The following NLGN4X variants were observed in gnomAD, a reference collection of about 807,000 sequenced individuals.
The protein encoded by NLGN4X is neuroligin-4, X-linked.
In NLGN4X, 3 loss-of-function variants were observed where a neutral mutation model predicts 40.3. The ratio of observed to expected loss-of-function variants is 0.07; its 90% CI spans 0.03 to 0.19. NLGN4X has a LOEUF of 0.19. Ranked by LOEUF, NLGN4X falls within the 10% of genes least tolerant of loss-of-function variation. The pLI is 1.00. For synonymous variants in NLGN4X, 270 were observed against 306.8 expected (o/e 0.88, Z 1.25); for missense variants, 382 against 708.3 (o/e 0.54, Z 5.23).
At chrX:5,938,100 G>A (rs2033792940) in intron 3 of NLGN4X, among the ~76,000 whole-genome samples, 1 of 111,553 alleles carries the variant, frequency 9.0e-6, no homozygotes, top group African/African-American at 3.3e-5. Flanking sequence ...GAACAAAAAA[G>A]ATTTTGAGTG....
intron 1 of NLGN4X, among the ~76,000 whole-genome samples, chrX:6,206,207 T>C (rs1924023003): frequency 9.0e-6 from 1 of 111,480 alleles, no homozygotes. Context: ...AAAGTGATTC[T>C]GGAAGACAAG....
In NLGN4X at chrX:6,197,427, ATT is replaced by A. The variant is rs72412595; in HGVS notation, c.-306+31112_-306+31113del. Among the ~76,000 whole-genome samples the A allele has an allele frequency of 1.1e-4, 9 of 79,452 alleles. No individual in the cohort carries two copies. The South Asian group carries it at 1.6e-3, about 14-fold the overall frequency. 69.0% of individuals were successfully genotyped at this position (79,452 alleles called of 115,157 possible). On this transcript the variant is annotated intron_variant, in intron 1 of 5. Coordinates refer to ENST00000381095, the MANE Select transcript of NLGN4X (RefSeq NM_181332.3). Reference sequence around the variant, plus strand: ...CAGGCATGCACCACCATGCTCAGCTATTTTTTTTTTTTTTTGTATTTTTTATA... The same window carrying A: ...CAGGCATGCACCACCATGCTCAGCTATTTTTTTTTTTTTGTATTTTTTATA...
At chrX:6,060,787 T>C (rs990691750) in intron 2 of NLGN4X, among the ~76,000 whole-genome samples, 1 of 111,917 alleles carries the variant, frequency 8.9e-6, no homozygotes, top group Non-Finnish European at 1.9e-5. Flanking sequence ...AGAATAATGA[T>C]AGGAACCCAA....
chrX:6,006,067 T>C (rs779473438), intron 3 of NLGN4X, among the ~76,000 whole-genome samples: 2 of 111,583 alleles, frequency 1.8e-5, no homozygotes, highest in East Asian at 5.7e-4. Flanking sequence ...TTAATCTGCC[T>C]TTTTAAGTTG....
intron 1 of NLGN4X, among the ~76,000 whole-genome samples, chrX:6,179,996 TAAAC>T (rs1049259678): frequency 1.3e-4 from 14 of 111,896 alleles, no homozygotes; most frequent in Admixed American, 3.8e-4. Context: ...GGGCACCTAA[TAAAC>T]AAGCAATAAA....
chrX:6,108,766 T>C (rs1446242839), intron 2 of NLGN4X, among the ~76,000 whole-genome samples: 2 of 111,312 alleles, frequency 1.8e-5, no homozygotes, highest in East Asian at 5.7e-4. Flanking sequence ...GAATTTGGTG[T>C]GTAGGTCTGC....
At position 5,902,350 on chromosome X, in the gene NLGN4X, C is replaced by T. The variant is rs974060649; in HGVS notation, c.1601+727G>A. Among the ~76,000 whole-genome samples the T allele has an allele frequency of 5.4e-5, 6 of 110,742 alleles. No homozygotes were observed. The East Asian group carries it at 1.4e-3, about 26-fold the overall frequency. ...AGAAGCCTGGGCAACATAGCAAACC[C>T]TGTGTCTACAAAAATCCATGTAAGG... On this transcript the variant is annotated intron_variant, in intron 5 of 5. Coordinates refer to ENST00000381095, the MANE Select transcript of NLGN4X (RefSeq NM_181332.3).
intron 2 of NLGN4X, among the ~76,000 whole-genome samples, chrX:6,113,972 C>T: frequency 9.0e-6 from 1 of 110,674 alleles, no homozygotes; most frequent in Non-Finnish European, 1.9e-5. Context: ...AGGTGTGCAC[C>T]ACTACGCCCG....
rs756349381 is a variant in NLGN4X at position 5,897,210 on chromosome X, T to C, written c.1602-3544A>G. On this transcript the variant is annotated intron_variant, in intron 5 of 5. Transcript: ENST00000381095. ...TTCTATATTATAATGCATTGTTTGGTTACTTTAAAGCACTGTTCTTTGTCA... is the reference window on the plus strand; with the variant it reads ...TTCTATATTATAATGCATTGTTTGGCTACTTTAAAGCACTGTTCTTTGTCA... Among the ~76,000 whole-genome samples the C allele has an allele frequency of 3.6e-5, 4 of 111,901 alleles. No individual in the cohort carries two copies. In the South Asian group the frequency reaches 1.1e-3, roughly 32 times the overall value.
At chrX:6,196,326 C>T (rs1279593757) in intron 1 of NLGN4X, among the ~76,000 whole-genome samples, 4 of 110,404 alleles carry the variant, frequency 3.6e-5, no homozygotes, top group East Asian at 2.9e-4. Flanking sequence ...CCGAGGTGGG[C>T]GGATCACGAG....
chrX:5,932,065 G>A (rs770587403), intron 3 of NLGN4X, among the ~76,000 whole-genome samples: 2 of 111,252 alleles, frequency 1.8e-5, no homozygotes, highest in Non-Finnish European at 3.8e-5. Flanking sequence ...ACTCAGCTGC[G>A]TTGAGGAGCT....
intron 4 of NLGN4X, among the ~76,000 whole-genome samples, chrX:5,904,140 G>A (rs1222084563): frequency 9.0e-6 from 1 of 111,093 alleles, no homozygotes; most frequent in East Asian, 2.8e-4. Context: ...TCCTGCACTG[G>A]TAAAATACAT....
intron 3 of NLGN4X, among the ~76,000 whole-genome samples, chrX:5,989,084 TAAAAA>T (rs201183542): frequency 0.031 from 2,454 of 80,429 alleles, 37 homozygotes; most frequent in Non-Finnish European, 0.044. Context: ...ATAAAAAAAA[TAAAAA>T]AAATAAAAAA....
At chrX:6,202,316 G>C (rs770480124) in intron 1 of NLGN4X, among the ~76,000 whole-genome samples, 25 of 107,964 alleles carry the variant, frequency 2.3e-4, no homozygotes, top group African/African-American at 8.1e-4. Flanking sequence ...GATTAGAATG[G>C]TTGAAAAGGT....
chrX:6,176,758 G>A (rs1473284349), intron 1 of NLGN4X, among the ~76,000 whole-genome samples: 3 of 111,747 alleles, frequency 2.7e-5, no homozygotes, highest in Non-Finnish European at 3.8e-5. Context: ...CAAAAAGAAC[G>A]GTGTCCTGAT....
intron 3 of NLGN4X, among the ~76,000 whole-genome samples, chrX:5,936,527 T>C (rs1294629166): frequency 8.9e-6 from 1 of 112,103 alleles, no homozygotes. Flanking sequence ...AAATTATTAC[T>C]GATTATAAAT....
At chrX:6,207,905 A>C (rs1924175238) in intron 1 of NLGN4X, among the ~76,000 whole-genome samples, 1 of 112,123 alleles carries the variant, frequency 8.9e-6, no homozygotes, top group South Asian at 3.7e-4. Context: ...GGTTGGCGAC[A>C]TTAATTCTGA....
At chrX:5,940,765 C>T (rs772940847) in intron 3 of NLGN4X, among the ~76,000 whole-genome samples, 7 of 110,547 alleles carry the variant, frequency 6.3e-5, no homozygotes, top group African/African-American at 2.0e-4. Context: ...CAGGTTATGG[C>T]TTGAAAAGTC....
chrX:5,986,335 A>G (rs1279211137), intron 3 of NLGN4X, among the ~76,000 whole-genome samples: 3 of 112,473 alleles, frequency 2.7e-5, no homozygotes, highest in African/African-American at 9.7e-5. Context: ...CTTTAGTGAC[A>G]TGGATCAAAC....
Sources: allele counts gnomAD v4.1 joint callset (sites outside exome capture counted in the v4.1 genomes callset), GRCh38; gene constraint gnomAD v4.1.1; transcripts MANE v1.5; gene names NCBI Gene and HGNC (gene_info 2026-07-23, HGNC 2026-07-21).